Variants in STK10 observed in about 807,000 individuals in gnomAD.
STK10 encodes serine/threonine kinase 10, also known as serine/threonine-protein kinase 10.
STK10 carries 78 observed loss-of-function variants against 113.8 expected under a neutral mutation model. The ratio of observed to expected loss-of-function variants is 0.69; its 90% confidence interval spans 0.57 to 0.83. The LOEUF (loss-of-function observed/expected upper bound fraction) is 0.83. Among genes scored for constraint, STK10 ranks in the 40% least tolerant of loss-of-function variants. STK10 has a pLI of 0.00. For missense variants in STK10, 1,109 were observed against 1,280.1 expected, an observed-to-expected ratio of 0.87 and a Z score of 2.04; for synonymous variants, 465 against 494.7, an observed-to-expected ratio of 0.94 and a Z score of 0.80.
At chr5:172,101,199 G>A (rs1768981664) in intron 7 of STK10, among the ~76,000 whole-genome samples, 1 of 152,126 alleles carries the variant, frequency 6.6e-6, no homozygotes, top group Non-Finnish European at 1.5e-5. Flanking sequence ...GGCCAGGCGT[G>A]GTGGCTCACG....
intron 3 of STK10, among the ~76,000 whole-genome samples, chr5:172,124,028 G>A (rs1769569528): frequency 6.6e-6 from 1 of 152,176 alleles, no homozygotes; most frequent in African/African-American, 2.4e-5. Flanking sequence ...CTGGGCTCAA[G>A]CAATCCTCCA....
intron 1 of STK10, among the ~76,000 whole-genome samples, chr5:172,178,613 G>A (rs1469696255): frequency 6.6e-6 from 1 of 152,204 alleles, no homozygotes; most frequent in Non-Finnish European, 1.5e-5. Context: ...CAGCCCCACT[G>A]TACTCATGGG....
chr5:172,142,679 A>C (rs1260450315), intron 2 of STK10, among the ~76,000 whole-genome samples: 1 of 152,244 alleles, frequency 6.6e-6, no homozygotes, highest in Admixed American at 6.5e-5. Context: ...TCAGAACAAA[A>C]GACATTGCCT....
At chr5:172,081,190 A>G (rs552376934) in intron 12 of STK10, among the ~76,000 whole-genome samples, 2 of 152,134 alleles carry the variant, frequency 1.3e-5, no homozygotes, top group East Asian at 3.9e-4. Context: ...ATCTCTACCA[A>G]AAATACAAAA....
intron 3 of STK10, among the ~76,000 whole-genome samples, chr5:172,125,768 A>G (rs1203792586): frequency 6.6e-6 from 1 of 152,170 alleles, no homozygotes; most frequent in Non-Finnish European, 1.5e-5. Flanking sequence ...ACTACTGCCT[A>G]TTTGATTGTG....
At chr5:172,104,726 G>C (rs11743264) in intron 7 of STK10, among the ~76,000 whole-genome samples, 15,177 of 152,182 alleles carry the variant, frequency 0.1, 866 homozygotes, top group East Asian at 0.13. Flanking sequence ...AACTAGGAGA[G>C]GGCTCCCACC....
chr5:172,093,281 C>T lies in STK10; in HGVS notation c.1554+131G>A. On this transcript the variant is annotated intron_variant, in intron 9 of 18. Transcript: ENST00000176763. The surrounding 1 kb of genome is among the most constrained non-coding windows in gnomAD (Gnocchi z 4.1). ...ATATTTTGGAGATTAAACTATGAGT[C>T]AAACCCAAAACCCCCTAATGAACCA... The T allele has an allele frequency of 3.1e-6, 3 of 978,178 alleles. No individual in the cohort carries two copies. The highest frequency in any genetic ancestry group is 4.5e-6 in the Non-Finnish European group (3 of 668,402). The allele number at this position is 978,178 out of a possible 1,614,324, so 60.6% of individuals were successfully genotyped here. A position where few individuals can be genotyped will look rare whatever the true frequency, so the allele number is the denominator to read the frequency against.
intron 1 of STK10, among the ~76,000 whole-genome samples, chr5:172,166,450 C>T (rs1022590618): frequency 6.6e-6 from 1 of 152,160 alleles, no homozygotes; most frequent in East Asian, 1.9e-4. Flanking sequence ...GAGTGCCTCA[C>T]CACACAACAC....
intron 3 of STK10, among the ~76,000 whole-genome samples, chr5:172,125,964 G>A (rs1769610911): frequency 6.6e-6 from 1 of 152,194 alleles, no homozygotes; most frequent in Admixed American, 6.5e-5. Flanking sequence ...TCAACATTCA[G>A]GTTTATGGCA....
At chr5:172,113,154 T>A (rs1581162686) in intron 4 of STK10, among the ~76,000 whole-genome samples, 1 of 152,304 alleles carries the variant, frequency 6.6e-6, no homozygotes, top group South Asian at 2.1e-4. Flanking sequence ...TTTTTTTGTT[T>A]TTTCTCTATT....
At chr5:172,119,205 GTGGGCAGCAGGAAGAATA>G (rs1170318471) in intron 3 of STK10, among the ~76,000 whole-genome samples, 1 of 152,116 alleles carries the variant, frequency 6.6e-6, no homozygotes, top group Non-Finnish European at 1.5e-5. Context: ...GAGCGGGAAG[GTGGGCAGCAGGAAGAATA>G]TTCCTGGAAA....
In STK10 at chr5:172,187,664, G is replaced by A. The variant is rs974962763; in HGVS notation, c.156+223C>T. 7.9e-5 allele frequency among the ~76,000 whole-genome samples: 12 copies of A among 152,234 alleles called. No individual in the cohort carries two copies. The highest frequency in any genetic ancestry group is 2.4e-4 in the African/African-American group (10 of 41,472). ...GCTCCGAAACAGGGCTAGGGTGGGG[G>A]CGGCAACCGTGCCCGGAGGGGGCGC... On this transcript the variant is annotated intron_variant, in intron 1 of 18. Coordinates refer to ENST00000176763, the MANE Select transcript of STK10 (RefSeq NM_005990.4). This position sits in a 1 kb window ranked among gnomAD's most constrained non-coding sequence, Gnocchi z 4.6.
rs778562483 is a variant in STK10 at position 172,052,896 on chromosome 5, C to T, written c.2766+33G>A. On this transcript the variant is annotated intron_variant, in intron 18 of 18. Transcript: ENST00000176763. ...CCTGTGCATGGCACAGAGCAGAGCC[C>T]GAGACTGAGCCCACCAGCTCGGATA... The T allele has an allele frequency of 8.0e-5, 128 of 1,608,608 alleles. 1 individual carries two copies. The East Asian group carries it at 2.0e-3, about 25-fold the overall frequency.
intron 4 of STK10, 35 bp from the exon 5 acceptor site, chr5:172,107,887 C>T: frequency 1.2e-6 from 2 of 1,607,116 alleles, no homozygotes; most frequent in Non-Finnish European, 1.7e-6. Context: ...GTTTTCCACC[C>T]ATAGCCCTGG....
chr5:172,103,549 A>C (rs1471304755), intron 7 of STK10, among the ~76,000 whole-genome samples: 1 of 152,096 alleles, frequency 6.6e-6, no homozygotes, highest in Non-Finnish European at 1.5e-5. Context: ...ATTGGCCCCA[A>C]GCGGCTTGGA....
chr5:172,074,682 G>GA (rs1768269525), intron 12 of STK10, among the ~76,000 whole-genome samples: 2 of 152,040 alleles, frequency 1.3e-5, no homozygotes. Context: ...ATCCCTAAAA[G>GA]AAAAAATGAT....
At chr5:172,140,294 C>T (rs955494156) in intron 2 of STK10, among the ~76,000 whole-genome samples, 5 of 152,156 alleles carry the variant, frequency 3.3e-5, no homozygotes, top group African/African-American at 1.2e-4. Context: ...AAAGATGACA[C>T]GTGTTGATGA....
chr5:172,141,446 T>C (rs1268125550), intron 2 of STK10, among the ~76,000 whole-genome samples: 1 of 151,908 alleles, frequency 6.6e-6, no homozygotes, highest in African/African-American at 2.4e-5. Context: ...CCAGGCATAG[T>C]GGTGCGTGCC....
chr5:172,102,717 A>G (rs6870207), intron 7 of STK10, among the ~76,000 whole-genome samples: 17,624 of 152,170 alleles, frequency 0.12, 1,080 homozygotes, highest in Non-Finnish European at 0.12. Context: ...AACCGCTGAC[A>G]ACCTTGACAA....
Sources: gnomAD v4.1 joint callset for allele counts (sites outside exome capture counted in the v4.1 genomes callset) on GRCh38, gnomAD v4.1.1 for gene constraint, Gnocchi (gnomAD v3.1) non-coding constraint, MANE v1.5 for transcripts, NCBI Gene and HGNC (gene_info 2026-07-23, HGNC 2026-07-21) for gene names.